DOCK3: variants seen among roughly 807,000 people sequenced by gnomAD.
DOCK3 encodes the protein dedicator of cytokinesis 3, also known as dedicator of cytokinesis protein 3.
DOCK3 carries 60 observed loss-of-function variants against 265.6 expected under a neutral mutation model. The ratio of observed to expected loss-of-function variants is 0.23; its 90% CI spans 0.18 to 0.28. DOCK3 has a LOEUF of 0.28. Ranked by LOEUF, DOCK3 falls within the 10% of genes least tolerant of loss-of-function variation. DOCK3 has a pLI of 1.00. For synonymous variants in DOCK3, 881 were observed against 938.0 expected (o/e 0.94, Z 1.11); for missense variants, 1,981 against 2,594.3 (o/e 0.76, Z 5.14).
intron 33 of DOCK3, 22 bp downstream of exon 33, chr3:51,330,245 C>G: frequency 1.3e-6 from 2 of 1,570,782 alleles, no homozygotes; most frequent in Non-Finnish European, 8.7e-7. Flanking sequence ...CAGCCCCAGG[C>G]ACACCACACT....
At chr3:51,075,056 G>A (rs1459335583) in intron 6 of DOCK3, among the ~76,000 whole-genome samples, 1 of 152,046 alleles carries the variant, frequency 6.6e-6, no homozygotes, top group Non-Finnish European at 1.5e-5. Flanking sequence ...ACTTTTTAAT[G>A]ATGTAAAGAA....
At chr3:51,194,157 G>A (rs986800371) in intron 12 of DOCK3, among the ~76,000 whole-genome samples, 3 of 152,042 alleles carry the variant, frequency 2.0e-5, no homozygotes, top group Non-Finnish European at 2.9e-5. Context: ...TGTCCTTGGT[G>A]ACCCAATGGT....
chr3:50,770,769 C>T (rs539152098), intron 1 of DOCK3, among the ~76,000 whole-genome samples: 11 of 152,260 alleles, frequency 7.2e-5, no homozygotes, highest in Admixed American at 2.0e-4. Context: ...TAACCCTAAC[C>T]GTACCTTAAC....
At chr3:50,783,017 TTGTG>T (rs34798184) in intron 2 of DOCK3, among the ~76,000 whole-genome samples, 3 of 146,844 alleles carry the variant, frequency 2.0e-5, no homozygotes, top group African/African-American at 2.5e-5. Flanking sequence ...GTGTGTATAT[TTGTG>T]TGTGTGTGTG....
At chr3:50,853,239 T>G (rs1170661231) in intron 3 of DOCK3, among the ~76,000 whole-genome samples, 10 of 152,144 alleles carry the variant, frequency 6.6e-5, no homozygotes, top group Admixed American at 6.5e-4. Flanking sequence ...CTTCACGAGA[T>G]CCACTTATTT....
intron 27 of DOCK3, among the ~76,000 whole-genome samples, chr3:51,297,477 T>C (rs2082153074): frequency 6.6e-6 from 1 of 152,098 alleles, no homozygotes; most frequent in African/African-American, 2.4e-5. Context: ...AAAAGACACC[T>C]ACTACTCAAA....
chr3:51,271,836 G>T (rs182465771), intron 24 of DOCK3, among the ~76,000 whole-genome samples: 1 of 145,970 alleles, frequency 6.9e-6, no homozygotes, highest in Admixed American at 6.9e-5. Flanking sequence ...GAGCAACAGA[G>T]CGAGACTGTC....
intron 21 of DOCK3, among the ~76,000 whole-genome samples, chr3:51,241,953 C>A (rs1197000395): frequency 6.6e-6 from 1 of 152,174 alleles, no homozygotes. Context: ...CAGTTCAGAA[C>A]CCTTGCTGGA....
intron 5 of DOCK3, among the ~76,000 whole-genome samples, chr3:51,047,118 C>T (rs1329450941): frequency 6.6e-6 from 1 of 151,774 alleles, no homozygotes; most frequent in African/African-American, 2.4e-5. Flanking sequence ...CTTTATTATG[C>T]CTCAAGAAGC....
At chr3:51,212,374 G>A (rs924930145) in intron 13 of DOCK3, among the ~76,000 whole-genome samples, 8 of 151,836 alleles carry the variant, frequency 5.3e-5, no homozygotes, top group Non-Finnish European at 1.2e-4. Flanking sequence ...AAAGACAAAA[G>A]GCAGTCAGTG....
chr3:51,077,685 T>C (rs1015283304), intron 7 of DOCK3, among the ~76,000 whole-genome samples: 1 of 152,174 alleles, frequency 6.6e-6, no homozygotes, highest in African/African-American at 2.4e-5. Flanking sequence ...ATGGGAAACC[T>C]TGTGGAAGAA....
At chr3:51,160,725 A>G (rs1375426712) in intron 12 of DOCK3, 23 bp downstream of exon 12, 2 of 1,606,582 alleles carry the variant, frequency 1.2e-6, no homozygotes, top group African/African-American at 1.3e-5. Flanking sequence ...CATCAGGAAT[A>G]TTAATGATTT....
rs553796892 is a variant in DOCK3 at position 50,752,418 on chromosome 3, A to C, written c.38-26257A>C. Among the ~76,000 whole-genome samples, 5 of 152,068 alleles carry C rather than the reference A, an allele frequency of 3.3e-5. No homozygotes were observed. In the South Asian group the frequency reaches 6.2e-4, roughly 19 times the overall value. On this transcript the variant is annotated intron_variant, in intron 1 of 52. Transcript: ENST00000266037. ...CAGCTACTCGGGAGGCTGAGGCAGG[A>C]GAATCATTTGAATCCGGGAGGCGGA...
chr3:50,917,926 C>A (rs939908323), intron 4 of DOCK3, among the ~76,000 whole-genome samples: 2 of 152,020 alleles, frequency 1.3e-5, no homozygotes, highest in Non-Finnish European at 2.9e-5. Flanking sequence ...AACCCCATGA[C>A]AGGCCCCGGT....
intron 2 of DOCK3, among the ~76,000 whole-genome samples, chr3:50,812,210 G>C (rs891598002): frequency 6.6e-6 from 1 of 152,196 alleles, no homozygotes; most frequent in African/African-American, 2.4e-5. Flanking sequence ...AAACTTGCCA[G>C]AGAATAAGGG....
intron 1 of DOCK3, among the ~76,000 whole-genome samples, chr3:50,709,852 A>G (rs923614650): frequency 4.6e-5 from 7 of 152,140 alleles, no homozygotes; most frequent in Non-Finnish European, 1.0e-4. Context: ...GGTGGGCTTT[A>G]TCAGGTCAAG....
chr3:50,782,576 AGTGT>A (rs145578993), intron 2 of DOCK3, among the ~76,000 whole-genome samples: 106,391 of 147,158 alleles, frequency 0.72, 39,502 homozygotes, highest in Middle Eastern at 0.85. Flanking sequence ...TTATTTTTTG[AGTGT>A]GTGTGTGTGT....
intron 33 of DOCK3, among the ~76,000 whole-genome samples, chr3:51,332,080 A>G (rs538980625): frequency 6.6e-5 from 10 of 152,230 alleles, no homozygotes; most frequent in Non-Finnish European, 1.5e-4. Context: ...GACAGTCATC[A>G]TTGTAGCAGC....
intron 19 of DOCK3, among the ~76,000 whole-genome samples, chr3:51,232,177 T>C (rs908274554): frequency 6.6e-6 from 1 of 152,190 alleles, no homozygotes; most frequent in Non-Finnish European, 1.5e-5. Context: ...TGGTTTTTGG[T>C]TACATGGATG....
Sources: gnomAD v4.1 joint callset for allele counts (sites outside exome capture counted in the v4.1 genomes callset) on GRCh38, gnomAD v4.1.1 for gene constraint, MANE v1.5 for transcripts, NCBI Gene and HGNC (gene_info 2026-07-23, HGNC 2026-07-21) for gene names.